CIB1: variants seen among roughly 807,000 people sequenced by gnomAD.
CIB1 encodes calcium and integrin binding 1.
A neutral mutation model predicts 25.0 loss-of-function variants in CIB1; 19 were observed. The observed-to-expected ratio is 0.76, with a 90% confidence interval of 0.53 to 1.12. The LOEUF (loss-of-function observed/expected upper bound fraction) is 1.12. CIB1 is among the 50% of genes most tolerant of loss of function. The pLI is 0.00. For synonymous variants in CIB1, 104 were observed against 98.5 expected (o/e 1.06, Z -0.33); for missense variants, 236 against 242.6 (o/e 0.97, Z 0.18).
At chr15:90,264,943 C>A in the CIB1 span, 2 of 1,536,046 alleles carry the variant, frequency 1.3e-6, no homozygotes, top group Non-Finnish European at 1.7e-6. Flanking sequence ...CCAGAGCACT[C>A]CTCAACATCA....
At chr15:90,257,546 C>T in the CIB1 span, 9 of 1,221,548 alleles carry the variant, frequency 7.4e-6, no homozygotes, top group South Asian at 5.4e-5. Flanking sequence ...GAGAGATCCT[C>T]GGGAGGGGTG....
chr15:90,238,170 C>G (rs1962675870), upstream of CIB1, among the ~76,000 whole-genome samples: 1 of 152,004 alleles, frequency 6.6e-6, no homozygotes, highest in South Asian at 2.1e-4. Context: ...CGTGGTGACA[C>G]ACACCTGTAG....
At chr15:90,252,798 T>A in the CIB1 span, among the ~76,000 whole-genome samples, 1 of 151,688 alleles carries the variant, frequency 6.6e-6, no homozygotes, top group Non-Finnish European at 1.5e-5. Flanking sequence ...AGGTCAGGAG[T>A]TCGAGACCAG....
chr15:90,239,462 G>C, the CIB1 span, among the ~76,000 whole-genome samples: 1 of 152,124 alleles, frequency 6.6e-6, no homozygotes, highest in Non-Finnish European at 1.5e-5. Flanking sequence ...TTACAATCAT[G>C]ACAGAAGGGG....
chr15:90,246,473 G>A, the CIB1 span, among the ~76,000 whole-genome samples: 1 of 151,948 alleles, frequency 6.6e-6, no homozygotes, highest in Non-Finnish European at 1.5e-5. Flanking sequence ...GTGAAGAATA[G>A]AATCAGGGAA....
At position 90,230,139 on chromosome 15, in the gene CIB1, C is replaced by T. The variant is rs1962439473; in HGVS notation, c.*345G>A. ...GACAGCCAGCGTGGGTGCGGCTTGA[C>T]TTCCCGCTGGCCTCTGCTCGATATG... On this transcript the variant is annotated 3_prime_UTR_variant, in exon 7 of 7. Transcript: ENST00000328649. The T allele has an allele frequency of 3.0e-6, 1 of 333,396 alleles. No homozygotes were observed. The allele number at this position is 333,396 out of a possible 1,614,324, so 20.7% of individuals were successfully genotyped here.
At chr15:90,238,293 C>G (rs1232694933), upstream of CIB1, among the ~76,000 whole-genome samples, 3 of 152,094 alleles carry the variant, frequency 2.0e-5, no homozygotes, top group Non-Finnish European at 2.9e-5. Flanking sequence ...GAGTGAGATT[C>G]TGTCTTTAAA....
In CIB1 at chr15:90,231,035, G is replaced by C. The variant is rs763491927; in HGVS notation, c.466-13C>G. The C allele has an allele frequency of 8.9e-5, 144 of 1,613,558 alleles. 1 individual carries two copies. In the South Asian group the frequency reaches 1.6e-3, roughly 18 times the overall value. ...ACTCCTCCAGGATCTGGGAAAGGGAGAGTTTCAGGCCAGAGCCCCAACTGC... is the reference window on the plus strand; with the variant it reads ...ACTCCTCCAGGATCTGGGAAAGGGACAGTTTCAGGCCAGAGCCCCAACTGC... On this transcript the variant is annotated splice_polypyrimidine_tract_variant and intron_variant, in intron 5 of 6. Coordinates refer to ENST00000328649, the MANE Select transcript of CIB1 (RefSeq NM_006384.4).
the CIB1 span, among the ~76,000 whole-genome samples, chr15:90,246,203 GC>G: frequency 6.6e-6 from 1 of 152,044 alleles, no homozygotes; most frequent in Non-Finnish European, 1.5e-5. Flanking sequence ...AACCCAGGAG[GC>G]AGAGGTTGCA....
chr15:90,239,051 G>A, the CIB1 span, among the ~76,000 whole-genome samples: 1 of 152,176 alleles, frequency 6.6e-6, no homozygotes, highest in Non-Finnish European at 1.5e-5. Flanking sequence ...GAGTGTGTGA[G>A]TGTATAGGAT....
chr15:90,249,947 T>TTTTATTTTATTTATTTA, the CIB1 span: 9 of 147,574 alleles, frequency 6.1e-5, no homozygotes, highest in East Asian at 2.0e-4. Flanking sequence ...CTGTATTTTA[T>TTTTATTTTATTTATTTA]TTTATTTATT....
chr15:90,231,906 C>T (rs547206352), intron 3 of CIB1, among the ~76,000 whole-genome samples: 71 of 152,364 alleles, frequency 4.7e-4, no homozygotes, highest in Non-Finnish European at 2.4e-4. Context: ...AGCAGCCTTA[C>T]GGAGTGGCAA....
chr15:90,265,326 C>G, the CIB1 span: 3 of 1,221,600 alleles, frequency 2.5e-6, no homozygotes, highest in Non-Finnish European at 3.1e-6. Context: ...AGCCGAGTGC[C>G]CAAGGCACTG....
At chr15:90,231,266 T>C in intron 4 of CIB1, 53 bp from the exon 5 acceptor site, 5 of 1,607,378 alleles carry the variant, frequency 3.1e-6, no homozygotes, top group South Asian at 1.1e-5. Flanking sequence ...GGCTCTGAGG[T>C]TCCCCAAACG....
At chr15:90,264,989 C>T in the CIB1 span, 1 of 1,525,632 alleles carries the variant, frequency 6.6e-7, no homozygotes, top group Non-Finnish European at 8.8e-7. Flanking sequence ...AAGCACTCTA[C>T]CTCTCCTGGA....
Position 90,233,821 on chromosome 15 carries a change from G to A in CIB1, c.51+14C>T. The A allele has an allele frequency of 6.5e-7, 1 of 1,545,534 alleles. No individual in the cohort carries two copies. Among genetic ancestry groups the A allele is most frequent in the Non-Finnish European group, 8.7e-7 (1 of 1,144,826 alleles). On this transcript the variant is annotated intron_variant, in intron 1 of 6. Transcript: ENST00000328649. ...CCCGCACGCGAGCTCCCCAGGGCCA[G>A]GCGTCCCGCGCACCTGGTACTCGGC... is the stretch of plus-strand genomic sequence containing the variant.
the CIB1 span, chr15:90,262,213 T>C: frequency 6.6e-7 from 1 of 1,511,644 alleles, no homozygotes; most frequent in South Asian, 1.3e-5. Context: ...GACATTCTCC[T>C]CTGCACACCT....
At chr15:90,252,043 C>CTTTTTTTTTTTTTTT in the CIB1 span, among the ~76,000 whole-genome samples, 3 of 133,480 alleles carry the variant, frequency 2.2e-5, no homozygotes, top group Non-Finnish European at 3.2e-5. Flanking sequence ...TCACCTAATT[C>CTTTTTTTTTTTTTTT]TTTTTTTTTT....
chr15:90,231,709 C>T (rs1962497707), intron 3 of CIB1, among the ~76,000 whole-genome samples: 1 of 152,202 alleles, frequency 6.6e-6, no homozygotes, highest in African/African-American at 2.4e-5. Flanking sequence ...ACTGAGATGG[C>T]TTCCTGGGAG....
Sources: gnomAD v4.1 joint callset for allele counts (sites outside exome capture counted in the v4.1 genomes callset) on GRCh38, gnomAD v4.1.1 for gene constraint, MANE v1.5 for transcripts, NCBI Gene and HGNC (gene_info 2026-07-23, HGNC 2026-07-21) for gene names.